The following TENM4 variants were observed in gnomAD, a reference collection of about 807,000 sequenced individuals.
TENM4 encodes the protein teneurin-4.
In TENM4, 82 loss-of-function variants were observed where a neutral mutation model predicts 243.3. That is an observed-to-expected ratio of 0.34 (90% CI 0.28 to 0.40). TENM4 has a LOEUF of 0.40. Among genes scored for constraint, TENM4 ranks in the 10% least tolerant of loss-of-function variants. The pLI is 1.00. For missense variants in TENM4, 3,138 were observed against 3,673.3 expected (o/e 0.85, Z 3.77); for synonymous variants, 1,412 against 1,456.3 (o/e 0.97, Z 0.69).
At chr11:78,698,398 C>T (rs887027801) in intron 28 of TENM4, among the ~76,000 whole-genome samples, 10 of 132,822 alleles carry the variant, frequency 7.5e-5, no homozygotes, top group African/African-American at 1.8e-4. Context: ...AAAACCAAAC[C>T]GAACCAAACC....
At chr11:79,095,304 G>C (rs1232331702) in intron 4 of TENM4, among the ~76,000 whole-genome samples, 1 of 152,152 alleles carries the variant, frequency 6.6e-6, no homozygotes, top group Non-Finnish European at 1.5e-5. Context: ...AGCAGGGCAG[G>C]ATTTGAACCC....
chr11:79,411,122 A>G (rs1225076409), intron 1 of TENM4, among the ~76,000 whole-genome samples: 1 of 152,218 alleles, frequency 6.6e-6, no homozygotes, highest in African/African-American at 2.4e-5. Context: ...AGTGAGGCTC[A>G]GAGAGGGTAA....
chr11:79,130,353 C>T (rs559031565), intron 4 of TENM4, among the ~76,000 whole-genome samples: 8 of 152,126 alleles, frequency 5.3e-5, no homozygotes, highest in South Asian at 2.1e-4. Flanking sequence ...AAAAATCACA[C>T]GAGTTCACTA....
intron 2 of TENM4, among the ~76,000 whole-genome samples, chr11:79,248,932 A>G (rs1451382997): frequency 6.6e-6 from 1 of 152,182 alleles, no homozygotes; most frequent in Non-Finnish European, 1.5e-5. Context: ...CTAGAAGGCC[A>G]GGAAAGAGGA....
chr11:79,328,577 T>C (rs1172626812), intron 1 of TENM4, among the ~76,000 whole-genome samples: 4 of 151,986 alleles, frequency 2.6e-5, no homozygotes, highest in Non-Finnish European at 5.9e-5. Flanking sequence ...GTATGCCTGG[T>C]AAGAGGCGGT....
chr11:78,823,468 T>C (rs1275154856), intron 12 of TENM4, among the ~76,000 whole-genome samples: 2 of 152,164 alleles, frequency 1.3e-5, no homozygotes, highest in African/African-American at 4.8e-5. Context: ...CCCAGGGAAC[T>C]TAGCATTCAG....
intron 19 of TENM4, among the ~76,000 whole-genome samples, chr11:78,740,995 C>T (rs1056658103): frequency 6.6e-6 from 1 of 152,200 alleles, no homozygotes; most frequent in Admixed American, 6.5e-5. Context: ...CGCCGATAGG[C>T]CATAGAGGCC....
chr11:79,199,946 G>A (rs1018493217), intron 3 of TENM4, among the ~76,000 whole-genome samples: 6 of 152,204 alleles, frequency 3.9e-5, no homozygotes, highest in African/African-American at 7.2e-5. Flanking sequence ...TGCCCTTGCA[G>A]CATACAGGAC....
intron 6 of TENM4, among the ~76,000 whole-genome samples, chr11:78,957,187 C>T (rs960597247): frequency 3.9e-5 from 6 of 152,178 alleles, no homozygotes; most frequent in African/African-American, 1.4e-4. Flanking sequence ...GGGTCTTTTG[C>T]TGCAAGAGAG....
chr11:78,662,949 C>A (rs1858068141), intron 32 of TENM4, among the ~76,000 whole-genome samples: 1 of 152,160 alleles, frequency 6.6e-6, no homozygotes, highest in Admixed American at 6.5e-5. Context: ...GCCCTTCAGG[C>A]AAAGATGACT....
At chr11:78,968,520 A>G (rs1857480854) in intron 6 of TENM4, among the ~76,000 whole-genome samples, 1 of 151,802 alleles carries the variant, frequency 6.6e-6, no homozygotes, top group East Asian at 1.9e-4. Context: ...TTATAAAGAA[A>G]CTCAGCCTCA....
intron 1 of TENM4, among the ~76,000 whole-genome samples, chr11:79,320,768 CACTT>C: frequency 6.6e-6 from 1 of 152,280 alleles, no homozygotes; most frequent in East Asian, 1.9e-4. Context: ...AAATAGCTAA[CACTT>C]ACATAGTGAT....
chr11:79,070,426 A>C (rs1260509537), intron 4 of TENM4, among the ~76,000 whole-genome samples: 1 of 152,200 alleles, frequency 6.6e-6, no homozygotes, highest in African/African-American at 2.4e-5. Context: ...GCATGCAAAC[A>C]CTGGGGTAAG....
At position 78,815,709 on chromosome 11, in the gene TENM4, T is replaced by C. The variant is rs554364758; in HGVS notation, c.1682-1314A>G. Among the ~76,000 whole-genome samples, 5 of 152,354 alleles carry C rather than the reference T, an allele frequency of 3.3e-5. 1 individual carries two copies. Among genetic ancestry groups the C allele is most frequent in the Admixed American group, 3.3e-4 (5 of 15,306 alleles). ...ATATGCCAATGCCTTCTTTGTGCCA[T>C]GTATTTCCACAAATTTATCTCATTT... On this transcript the variant is annotated intron_variant, in intron 12 of 33. Coordinates refer to ENST00000278550, the MANE Select transcript of TENM4 (RefSeq NM_001098816.3).
chr11:79,057,714 T>C lies in TENM4; in HGVS notation c.493+7024A>G, dbSNP rs149192861. On this transcript the variant is annotated intron_variant, in intron 6 of 33. Transcript: ENST00000278550. ...AGTATTTAAAACAGTGCCTGGTACA[T>C]AGTAGGTGCTCAACAAATAGTTGTG... Among the ~76,000 whole-genome samples the C allele has an allele frequency of 2.9e-3, 449 of 152,332 alleles. 3 individuals carry two copies. The highest frequency in any genetic ancestry group is 9.8e-3 in the African/African-American group (409 of 41,576).
At chr11:79,220,959 T>A (rs1215986243) in intron 2 of TENM4, 3 of 152,208 alleles carry the variant, frequency 2.0e-5, no homozygotes, top group African/African-American at 4.8e-5. Context: ...TCACGTAAAT[T>A]ATTAGCACAA....
At chr11:78,740,897 A>C (rs1189463686) in intron 19 of TENM4, among the ~76,000 whole-genome samples, 1 of 152,172 alleles carries the variant, frequency 6.6e-6, no homozygotes, top group Non-Finnish European at 1.5e-5. Context: ...GTAGCCTCCA[A>C]CTTGGCAAGC....
At chr11:78,708,742 C>G (rs1246032676) in intron 26 of TENM4, among the ~76,000 whole-genome samples, 1 of 152,148 alleles carries the variant, frequency 6.6e-6, no homozygotes, top group Non-Finnish European at 1.5e-5. Flanking sequence ...GGCTCTGGTC[C>G]TCCCACCTTG....
chr11:79,042,364 C>T (rs1258596633), intron 6 of TENM4, among the ~76,000 whole-genome samples: 1 of 152,194 alleles, frequency 6.6e-6, no homozygotes, highest in Non-Finnish European at 1.5e-5. Flanking sequence ...ATGCTAATAC[C>T]TAAACCCCAA....
Sources: allele counts gnomAD v4.1 joint callset (sites outside exome capture counted in the v4.1 genomes callset), GRCh38; gene constraint gnomAD v4.1.1; transcripts MANE v1.5; gene names NCBI Gene and HGNC (gene_info 2026-07-23, HGNC 2026-07-21).